The following TTLL7 variants were observed in gnomAD, a reference collection of about 807,000 sequenced individuals.
The protein encoded by TTLL7 is tubulin polyglutamylase TTLL7.
A neutral mutation model predicts 120.2 loss-of-function variants in TTLL7; 53 were observed. That is an observed-to-expected ratio of 0.44 (90% CI 0.35 to 0.55). The LOEUF (loss-of-function observed/expected upper bound fraction) is 0.55, where lower values mean the gene tolerates loss of function less well. Ranked by LOEUF, TTLL7 falls within the 20% of genes least tolerant of loss-of-function variation. The probability of loss-of-function intolerance (pLI) is 0.00; values close to 1 mark genes in which losing one functional copy is unlikely to be tolerated. For synonymous variants in TTLL7, 353 were observed against 351.7 expected, an observed-to-expected ratio of 1.00 and a Z score of -0.04; for missense variants, 803 against 1,054.7, an observed-to-expected ratio of 0.76 and a Z score of 3.31.
intron 1 of TTLL7, among the ~76,000 whole-genome samples, chr1:83,985,706 TAAAC>T (rs1333004439): frequency 1.3e-5 from 2 of 151,558 alleles, no homozygotes; most frequent in Admixed American, 6.6e-5. Flanking sequence ...AATAAATAAA[TAAAC>T]AAAAATTTTA....
intron 19 of TTLL7, among the ~76,000 whole-genome samples, chr1:83,889,270 G>A (rs1049092368): frequency 2.0e-5 from 3 of 152,062 alleles, no homozygotes; most frequent in Non-Finnish European, 4.4e-5. Flanking sequence ...GAGAACAGCA[G>A]CATGGGGGTA....
At chr1:83,959,876 C>T (rs1022871460) in intron 1 of TTLL7, among the ~76,000 whole-genome samples, 20 of 151,850 alleles carry the variant, frequency 1.3e-4, no homozygotes, top group South Asian at 6.2e-4. Context: ...TGAATACATA[C>T]AGTATATTAT....
At chr1:83,958,809 T>G (rs1030487351) in intron 1 of TTLL7, among the ~76,000 whole-genome samples, 1 of 152,192 alleles carries the variant, frequency 6.6e-6, no homozygotes, top group African/African-American at 2.4e-5. Context: ...TCTTAAATTG[T>G]AATGTGCACA....
intron 17 of TTLL7, among the ~76,000 whole-genome samples, chr1:83,905,695 T>C (rs1027612374): frequency 6.6e-6 from 1 of 151,932 alleles, no homozygotes; most frequent in African/African-American, 2.4e-5. Flanking sequence ...TAACCTTGCA[T>C]GAAGAAATGC....
chr1:83,902,096 CCT>C (rs371329233), intron 18 of TTLL7: 19 of 151,992 alleles, frequency 1.3e-4, no homozygotes, highest in South Asian at 4.2e-4. Flanking sequence ...TGCCTTCCCC[CCT>C]GTTAGAATAA....
At chr1:83,929,831 A>G (rs1659447755) in intron 9 of TTLL7, among the ~76,000 whole-genome samples, 1 of 152,154 alleles carries the variant, frequency 6.6e-6, no homozygotes, top group Non-Finnish European at 1.5e-5. Context: ...AAATTTCTTA[A>G]TCAGTTAAAT....
intron 18 of TTLL7, among the ~76,000 whole-genome samples, chr1:83,901,606 A>G (rs531328540): frequency 6.6e-6 from 1 of 152,134 alleles, no homozygotes; most frequent in South Asian, 2.1e-4. Context: ...AGCCAAAGTC[A>G]GCGACTTGAA....
chr1:83,941,706 T>C (rs1445130456), intron 7 of TTLL7, among the ~76,000 whole-genome samples: 3 of 152,210 alleles, frequency 2.0e-5, no homozygotes, highest in African/African-American at 7.2e-5. Flanking sequence ...TTAACTAAAG[T>C]TTAAGTATGC....
chr1:83,955,089 T>C (rs1011424169), intron 1 of TTLL7, among the ~76,000 whole-genome samples: 2 of 152,208 alleles, frequency 1.3e-5, no homozygotes, highest in African/African-American at 4.8e-5. Flanking sequence ...TATTCTTCCG[T>C]TGAGCTTCTA....
chr1:83,947,254 T>G lies in TTLL7; in HGVS notation c.376A>C (p.Thr126Pro). Residue 126 changes from threonine (T) to proline (P), a missense_variant, in exon 6 of 21, where the codon ACC becomes CCC. Transcript: ENST00000260505. ...AAGATCCAAGTTCGAGGAACAAAGG[T>G]ATAATCCAGAGGCCGAGACTTGATC... is the stretch of plus-strand genomic sequence containing the variant. ...KMIKSRPLDY[T>P]FVPRTWIFPA... 2.5e-6 allele frequency: 4 copies of G among 1,611,274 alleles called. No homozygotes were observed. Among genetic ancestry groups the G allele is most frequent in the Non-Finnish European group, 3.4e-6 (4 of 1,179,206 alleles).
At chr1:83,943,589 A>T (rs1648188744) in intron 6 of TTLL7, among the ~76,000 whole-genome samples, 1 of 152,232 alleles carries the variant, frequency 6.6e-6, no homozygotes, top group Non-Finnish European at 1.5e-5. Flanking sequence ...AGCTAACAGA[A>T]CAGGAACTTC....
At chr1:83,986,599 CTT>C (rs1209105610) in intron 1 of TTLL7, among the ~76,000 whole-genome samples, 1 of 152,156 alleles carries the variant, frequency 6.6e-6, no homozygotes, top group Non-Finnish European at 1.5e-5. Flanking sequence ...AATCCCAGCT[CTT>C]TGGGAGGCCG....
chr1:83,996,746 A>C (rs1653516034), intron 1 of TTLL7, among the ~76,000 whole-genome samples: 1 of 152,188 alleles, frequency 6.6e-6, no homozygotes, highest in Admixed American at 6.5e-5. Context: ...GAGGAGAGAG[A>C]GCAGTTCTAA....
At chr1:83,934,611 G>C (rs921129816) in intron 8 of TTLL7, among the ~76,000 whole-genome samples, 1 of 152,132 alleles carries the variant, frequency 6.6e-6, no homozygotes. Flanking sequence ...TTTTTAAAAA[G>C]TTGTTTTACT....
At chr1:83,950,820 T>C (rs1302769499) in intron 3 of TTLL7, among the ~76,000 whole-genome samples, 1 of 152,112 alleles carries the variant, frequency 6.6e-6, no homozygotes, top group Non-Finnish European at 1.5e-5. Context: ...CCATGCAGCT[T>C]TGGCATCCTG....
intron 1 of TTLL7, among the ~76,000 whole-genome samples, chr1:83,966,788 A>G (rs1374547931): frequency 1.3e-5 from 2 of 152,092 alleles, no homozygotes; most frequent in African/African-American, 4.8e-5. Context: ...GTTAGTCCTG[A>G]CACCATTATC....
At chr1:83,907,685 T>A (rs1233716382) in intron 15 of TTLL7, 24 bp from the exon 16 acceptor site, 3 of 1,601,222 alleles carry the variant, frequency 1.9e-6, no homozygotes, top group Admixed American at 1.7e-5. Context: ...AGAAGAGGGA[T>A]ACTACAGTAG....
chr1:83,883,707 G>C (rs1191281216), intron 19 of TTLL7, among the ~76,000 whole-genome samples: 2 of 151,906 alleles, frequency 1.3e-5, no homozygotes, highest in Non-Finnish European at 2.9e-5. Context: ...TGGAATTTAG[G>C]CTTTCTCGGA....
intron 7 of TTLL7, among the ~76,000 whole-genome samples, chr1:83,942,120 T>C (rs2100841387): frequency 6.6e-6 from 1 of 152,270 alleles, no homozygotes; most frequent in Non-Finnish European, 1.5e-5. Flanking sequence ...AAACACTTAA[T>C]CTGTACTTCT....
Sources: gnomAD v4.1 joint callset for allele counts (sites outside exome capture counted in the v4.1 genomes callset) on GRCh38, gnomAD v4.1.1 for gene constraint, MANE v1.5 for transcripts, NCBI Gene and HGNC (gene_info 2026-07-23, HGNC 2026-07-21) for gene names.